Variants in CSMD2 observed in about 807,000 individuals in gnomAD.
The protein encoded by CSMD2 is CUB and sushi domain-containing protein 2.
A neutral mutation model predicts 398.5 loss-of-function variants in CSMD2; 130 were observed. That is an observed-to-expected ratio of 0.33 (90% CI 0.28 to 0.38). The LOEUF (loss-of-function observed/expected upper bound fraction) is 0.38. CSMD2 is among the 10% of genes least tolerant of loss of function. CSMD2 has a pLI of 1.00. For synonymous variants in CSMD2, 1,828 were observed against 1,908.5 expected (o/e 0.96, Z 1.10); for missense variants, 3,829 against 4,764.9 (o/e 0.80, Z 5.78).
intron 1 of CSMD2, among the ~76,000 whole-genome samples, chr1:34,160,780 T>C (rs1455601313): frequency 6.6e-6 from 1 of 152,136 alleles, no homozygotes; most frequent in Non-Finnish European, 1.5e-5. Context: ...GAACATTGAG[T>C]ACAGTCAGTG....
At chr1:33,965,495 AT>A (rs1290063109) in intron 3 of CSMD2, among the ~76,000 whole-genome samples, 1 of 152,132 alleles carries the variant, frequency 6.6e-6, no homozygotes, top group Non-Finnish European at 1.5e-5. Context: ...GGTAAGTGTG[AT>A]GGTGAAGGAT....
chr1:34,146,264 TC>T (rs1369858741), intron 1 of CSMD2, among the ~76,000 whole-genome samples: 2 of 152,182 alleles, frequency 1.3e-5, no homozygotes, highest in Non-Finnish European at 2.9e-5. Flanking sequence ...TCAGTACTTT[TC>T]CCTTTGACCA....
At chr1:33,526,940 A>G (rs1034907054) in intron 65 of CSMD2, among the ~76,000 whole-genome samples, 2 of 152,314 alleles carry the variant, frequency 1.3e-5, no homozygotes, top group South Asian at 4.1e-4. Context: ...GGCTGTAGTA[A>G]TCAACAGTTC....
intron 55 of CSMD2, among the ~76,000 whole-genome samples, chr1:33,555,062 C>T (rs1657831449): frequency 1.3e-5 from 2 of 152,130 alleles, no homozygotes; most frequent in South Asian, 4.1e-4. Context: ...ATATTGAAAA[C>T]CTTCTGGAAA....
At chr1:34,118,859 T>C (rs772260346) in intron 1 of CSMD2, among the ~76,000 whole-genome samples, 4 of 152,206 alleles carry the variant, frequency 2.6e-5, no homozygotes. Context: ...TTTCCCAAAG[T>C]GATCTTCAGG....
intron 12 of CSMD2, 130 bp downstream of exon 12, chr1:33,788,470 G>A: frequency 3.3e-6 from 2 of 600,324 alleles, no homozygotes; most frequent in Admixed American, 2.9e-5. Context: ...ATCGTGCCAC[G>A]GCACTCCAGC....
At chr1:34,054,314 T>C (rs1653568412) in intron 2 of CSMD2, among the ~76,000 whole-genome samples, 2 of 152,312 alleles carry the variant, frequency 1.3e-5, no homozygotes, top group South Asian at 2.1e-4. Flanking sequence ...AGGAATGTCC[T>C]AGATAATAAT....
chr1:33,984,741 C>T (rs1231797611), intron 3 of CSMD2, among the ~76,000 whole-genome samples: 1 of 151,776 alleles, frequency 6.6e-6, no homozygotes, highest in African/African-American at 2.4e-5. Flanking sequence ...TGAGATTTTT[C>T]CACTGCATTC....
intron 5 of CSMD2, among the ~76,000 whole-genome samples, chr1:33,852,393 GAC>G (rs1162711318): frequency 1.3e-5 from 2 of 152,166 alleles, no homozygotes; most frequent in African/African-American, 4.8e-5. Flanking sequence ...CCTCTTCAAT[GAC>G]ACACACTTTG....
At chr1:33,890,044 TA>T (rs35927688) in intron 5 of CSMD2, among the ~76,000 whole-genome samples, 15,471 of 129,880 alleles carry the variant, frequency 0.12, 1,066 homozygotes, top group Non-Finnish European at 0.17. Context: ...GCCATACCTA[TA>T]AAAAAAAGAG....
intron 53 of CSMD2, among the ~76,000 whole-genome samples, chr1:33,560,725 C>T (rs1183016256): frequency 6.6e-6 from 1 of 152,216 alleles, no homozygotes; most frequent in Non-Finnish European, 1.5e-5. Flanking sequence ...CACACCACAG[C>T]ACTTCTGTAT....
intron 6 of CSMD2, among the ~76,000 whole-genome samples, chr1:33,830,304 GAGACAAA>G (rs2125031438): frequency 6.6e-6 from 1 of 152,282 alleles, no homozygotes; most frequent in East Asian, 1.9e-4. Context: ...GTACTCCTCT[GAGACAAA>G]ACTTCCAGAG....
rs935110248 is a variant in CSMD2, at chr1:34,164,356, G to T, written c.187+555C>A. On this transcript the variant is annotated intron_variant, in intron 1 of 70. Transcript: ENST00000373381. The surrounding 1 kb of genome is among the most constrained non-coding windows in gnomAD (Gnocchi z 6.2). ...CGAGGGAGGGGTAGCATTTGAGGAG[G>T]GGGATGGCGGCCGCAGTCTGCAGTC... Among the ~76,000 whole-genome samples, 2 of 152,110 alleles carry T rather than the reference G, an allele frequency of 1.3e-5. No homozygotes were observed. Among genetic ancestry groups the T allele is most frequent in the African/African-American group, 2.4e-5 (1 of 41,452 alleles).
chr1:34,022,632 G>T (rs1326227259), intron 3 of CSMD2, among the ~76,000 whole-genome samples: 5 of 152,214 alleles, frequency 3.3e-5, no homozygotes, highest in African/African-American at 4.8e-5. Flanking sequence ...GAAGAGAAGA[G>T]TTGGGTGGTA....
At chr1:33,843,797 C>G (rs1232265660) in intron 6 of CSMD2, among the ~76,000 whole-genome samples, 1 of 152,196 alleles carries the variant, frequency 6.6e-6, no homozygotes, top group Non-Finnish European at 1.5e-5. Context: ...ATCCCCTGAT[C>G]CCCTCCTCAC....
At chr1:33,793,700 G>GGCTGGTGGT (rs1654610333) in intron 10 of CSMD2, among the ~76,000 whole-genome samples, 2 of 151,846 alleles carry the variant, frequency 1.3e-5, no homozygotes, top group African/African-American at 4.8e-5. Flanking sequence ...GCAGGAGTGA[G>GGCTGGTGGT]GATGGTTGCA....
Position 34,163,053 on chromosome 1 carries a change from GC to G in CSMD2, c.187+1857del, listed in dbSNP as rs1641502536. On this transcript the variant is annotated intron_variant, in intron 1 of 70. Transcript: ENST00000373381. This position sits in a 1 kb window ranked among gnomAD's most constrained non-coding sequence, Gnocchi z 5.4. Reference sequence around the variant, plus strand: ...CAGGATTCCAGCACCGCTGAGCGGTGCAAGCGCCGGTGAGTCGGCCTTTTTC... The same window carrying G: ...CAGGATTCCAGCACCGCTGAGCGGTGAAGCGCCGGTGAGTCGGCCTTTTTC... Among the ~76,000 whole-genome samples the G allele has an allele frequency of 6.6e-6, 1 of 152,188 alleles. No individual in the cohort carries two copies. The highest frequency in any genetic ancestry group is 6.5e-5 in the Admixed American group (1 of 15,280).
chr1:33,957,945 G>GTGTGTGTGCACGCACGCA (rs1553263228), intron 3 of CSMD2, among the ~76,000 whole-genome samples: 7 of 152,172 alleles, frequency 4.6e-5, no homozygotes, highest in African/African-American at 1.7e-4. Flanking sequence ...GTGTGTGTGT[G>GTGTGTGTGCACGCACGCA]TGTGTGTGTG....
At chr1:33,839,353 T>C (rs1027065046) in intron 6 of CSMD2, 1 of 152,274 alleles carries the variant, frequency 6.6e-6, no homozygotes, top group Non-Finnish European at 1.5e-5. Flanking sequence ...TGGGCTACAG[T>C]AGTCAAAACT....
Sources: allele counts gnomAD v4.1 joint callset (sites outside exome capture counted in the v4.1 genomes callset), GRCh38; gene constraint gnomAD v4.1.1; non-coding constraint Gnocchi (gnomAD v3.1); transcripts MANE v1.5; gene names NCBI Gene and HGNC (gene_info 2026-07-23, HGNC 2026-07-21).